The following NRG3 variants were observed in gnomAD, a reference collection of about 807,000 sequenced individuals.
NRG3 encodes the protein pro-neuregulin-3, membrane-bound isoform.
In NRG3, 31 loss-of-function variants were observed where a neutral mutation model predicts 66.9. The ratio of observed to expected loss-of-function variants is 0.46; its 90% CI spans 0.35 to 0.63. The LOEUF (loss-of-function observed/expected upper bound fraction) is 0.63. Ranked by LOEUF, NRG3 falls within the 20% of genes least tolerant of loss-of-function variation. NRG3 has a pLI of 0.00. For synonymous variants in NRG3, 393 were observed against 359.4 expected, an observed-to-expected ratio of 1.09 and a Z score of -1.06; for missense variants, 910 against 878.9, an observed-to-expected ratio of 1.04 and a Z score of -0.45.
At chr10:82,490,841 G>A (rs1052173859) in intron 2 of NRG3, among the ~76,000 whole-genome samples, 2 of 151,904 alleles carry the variant, frequency 1.3e-5, no homozygotes, top group Non-Finnish European at 2.9e-5. Context: ...ATCATTTCTT[G>A]TCTGGATTAT....
At chr10:82,306,710 A>G (rs2080753872) in intron 1 of NRG3, among the ~76,000 whole-genome samples, 1 of 113,642 alleles carries the variant, frequency 8.8e-6, no homozygotes, top group Non-Finnish European at 1.6e-5. Flanking sequence ...TCTTAAAAAA[A>G]AAAAAAAAAA....
intron 1 of NRG3, among the ~76,000 whole-genome samples, chr10:81,951,853 C>T (rs954398344): frequency 6.6e-6 from 1 of 152,172 alleles, no homozygotes; most frequent in Non-Finnish European, 1.5e-5. Context: ...TTCACAATAG[C>T]AAAGACTTGG....
At chr10:82,243,334 T>C (rs1764099) in intron 1 of NRG3, among the ~76,000 whole-genome samples, 149,186 of 152,300 alleles carry the variant, frequency 0.98, 73,091 homozygotes, top group East Asian at 1. Context: ...CTAGAAATAT[T>C]TCTAATAGCA....
At chr10:82,984,273 A>T in intron 8 of NRG3, among the ~76,000 whole-genome samples, 1 of 152,328 alleles carries the variant, frequency 6.6e-6, no homozygotes, top group Non-Finnish European at 1.5e-5. Context: ...GCAAGAAGGG[A>T]ACTTAGAAGA....
intron 2 of NRG3, among the ~76,000 whole-genome samples, chr10:82,581,969 A>G (rs1361591616): frequency 6.6e-6 from 1 of 152,056 alleles, no homozygotes; most frequent in Admixed American, 6.6e-5. Flanking sequence ...ACATATATTA[A>G]CTTTTTGTTT....
At chr10:82,497,476 C>G (rs551675501) in intron 2 of NRG3, among the ~76,000 whole-genome samples, 2 of 152,138 alleles carry the variant, frequency 1.3e-5, no homozygotes, top group South Asian at 4.1e-4. Context: ...ATTTGTCTTT[C>G]TGTGTTTGGC....
At chr10:81,951,400 C>G (rs935420578) in intron 1 of NRG3, among the ~76,000 whole-genome samples, 3 of 152,102 alleles carry the variant, frequency 2.0e-5, no homozygotes. Context: ...AATGAAATAC[C>G]TCCTGTTTAT....
At chr10:82,111,972 G>T (rs995889693) in intron 1 of NRG3, among the ~76,000 whole-genome samples, 2 of 152,112 alleles carry the variant, frequency 1.3e-5, no homozygotes, top group Admixed American at 6.5e-5. Flanking sequence ...GCTGGGCATG[G>T]TGGCTCATGG....
rs146228705 is a variant in NRG3 at position 82,627,822 on chromosome 10, C to T, written c.954-110755C>T. Among the ~76,000 whole-genome samples the T allele has an allele frequency of 1.2e-4, 19 of 152,298 alleles. No individual in the cohort carries two copies. The East Asian group carries it at 3.5e-3, about 28-fold the overall frequency. On this transcript the variant is annotated intron_variant, in intron 2 of 8. Coordinates refer to ENST00000372141, the MANE Select transcript of NRG3 (RefSeq NM_001010848.4). ...GTAACCTTAGCCACAAATGTCATCTCTCTGTAGCTTGAGAACTCCCACAAT... is the reference window on the plus strand; with the variant it reads ...GTAACCTTAGCCACAAATGTCATCTTTCTGTAGCTTGAGAACTCCCACAAT...
chr10:82,095,805 G>A (rs2066302840), intron 1 of NRG3, among the ~76,000 whole-genome samples: 1 of 152,166 alleles, frequency 6.6e-6, no homozygotes, highest in African/African-American at 2.4e-5. Flanking sequence ...ATCCTGCACA[G>A]CAAATTAAAC....
chr10:82,525,886 C>G (rs954338687), intron 2 of NRG3, among the ~76,000 whole-genome samples: 24 of 151,838 alleles, frequency 1.6e-4, no homozygotes, highest in Middle Eastern at 6.8e-3. Flanking sequence ...TTACAAAATA[C>G]AACTTGTAGA....
chr10:82,791,312 T>C (rs76738952), intron 3 of NRG3, among the ~76,000 whole-genome samples: 2 of 150,240 alleles, frequency 1.3e-5, no homozygotes, highest in East Asian at 2.0e-4. Flanking sequence ...TTTTTTTTGG[T>C]TTTTTTTTCA....
intron 4 of NRG3, among the ~76,000 whole-genome samples, chr10:82,946,718 T>C (rs1365787711): frequency 6.6e-6 from 1 of 152,128 alleles, no homozygotes; most frequent in East Asian, 1.9e-4. Flanking sequence ...AGGAACCTAA[T>C]AACACAGTAA....
intron 3 of NRG3, among the ~76,000 whole-genome samples, chr10:82,759,178 C>T (rs935180989): frequency 1.3e-5 from 2 of 149,578 alleles, no homozygotes; most frequent in African/African-American, 4.9e-5. Flanking sequence ...CTTTCTTGGT[C>T]TCTCTCTCTC....
intron 4 of NRG3, among the ~76,000 whole-genome samples, chr10:82,903,748 A>G (rs2131901541): frequency 6.6e-6 from 1 of 152,228 alleles, no homozygotes; most frequent in East Asian, 1.9e-4. Context: ...TATTTATGTT[A>G]TCTTAAGGCT....
At chr10:82,709,391 G>T (rs1279866803) in intron 2 of NRG3, among the ~76,000 whole-genome samples, 5 of 151,302 alleles carry the variant, frequency 3.3e-5, no homozygotes, top group Non-Finnish European at 5.9e-5. Flanking sequence ...TTGTTTGTTT[G>T]TTTGTTTTTG....
intron 4 of NRG3, among the ~76,000 whole-genome samples, chr10:82,874,094 T>G (rs928617585): frequency 6.6e-6 from 1 of 152,122 alleles, no homozygotes; most frequent in African/African-American, 2.4e-5. Context: ...ATTTATAGGT[T>G]TAGAATTGAT....
chr10:82,248,095 T>A (rs1304779249), intron 1 of NRG3, among the ~76,000 whole-genome samples: 1 of 152,192 alleles, frequency 6.6e-6, no homozygotes, highest in African/African-American at 2.4e-5. Flanking sequence ...TCATCCACTC[T>A]TAACTGCTTG....
intron 2 of NRG3, among the ~76,000 whole-genome samples, chr10:82,397,270 G>T: frequency 6.6e-6 from 1 of 152,146 alleles, no homozygotes; most frequent in East Asian, 1.9e-4. Flanking sequence ...GTATAATCTG[G>T]TTTGCCAGAC....
Sources: gnomAD v4.1 joint callset for allele counts (sites outside exome capture counted in the v4.1 genomes callset) on GRCh38, gnomAD v4.1.1 for gene constraint, MANE v1.5 for transcripts, NCBI Gene and HGNC (gene_info 2026-07-23, HGNC 2026-07-21) for gene names.